Variants in CCR3 observed in about 807,000 individuals in gnomAD.
CCR3 encodes C-C motif chemokine receptor 3, also known as C-C chemokine receptor type 3.
For missense variants in CCR3, 419 were observed against 437.5 expected, an observed-to-expected ratio of 0.96 and a Z score of 0.38; for synonymous variants, 203 against 179.2, an observed-to-expected ratio of 1.13 and a Z score of -1.06.
In CCR3 at chr3:46,265,387, G is replaced by C. The variant is rs1363552944; in HGVS notation, c.229G>C (p.Ala77Pro). The C allele has an allele frequency of 6.2e-7, 1 of 1,614,126 alleles. No individual in the cohort carries two copies. The highest frequency in any genetic ancestry group is 1.1e-5 in the South Asian group (1 of 91,070). ...GACCAACATCTACCTGCTCAACCTG[G>C]CCATTTCGGACCTGCTCTTCCTCGT... ...IMTNIYLLNL[A>P]ISDLLFLVTL... The change falls in exon 2 of 2, where the codon GCC (alanine) becomes CCC (proline). Residue 77 changes from alanine to proline, a missense_variant. Ala to Pro is a conservative substitution (Grantham distance 27). Coordinates refer to ENST00000395940, the MANE Select transcript of CCR3 (RefSeq NM_178329.3).
chr3:46,266,489 A>C lies in CCR3; in HGVS notation c.*263A>C. ...TCTCTCTCTAAAATGAGTTACCTAC[A>C]TTTTAATGCACCTGAATGTTAGATA... On this transcript the variant is annotated 3_prime_UTR_variant, in exon 2 of 2. Transcript: ENST00000395940. 1 of 377,100 alleles carries C rather than the reference A, an allele frequency of 2.7e-6. No homozygotes were observed. Among genetic ancestry groups the C allele is most frequent in the Non-Finnish European group, 4.9e-6 (1 of 202,970 alleles). 23.4% of individuals were successfully genotyped at this position (377,100 alleles called of 1,614,324 possible).
At chr3:46,261,975 G>A (rs546999090) in intron 1 of CCR3, among the ~76,000 whole-genome samples, 15 of 152,274 alleles carry the variant, frequency 9.9e-5, no homozygotes, top group Middle Eastern at 3.4e-3. Context: ...AAGGCTCAGC[G>A]TTGGAACCAG....
intron 1 of CCR3, among the ~76,000 whole-genome samples, chr3:46,247,617 G>C (rs987146043): frequency 2.0e-5 from 3 of 152,088 alleles, no homozygotes; most frequent in Non-Finnish European, 4.4e-5. Flanking sequence ...AATAAAGGCT[G>C]GTCTGTTATC....
chr3:46,231,557 G>A (rs1699966398), intron 2 of CCR3, among the ~76,000 whole-genome samples: 1 of 152,194 alleles, frequency 6.6e-6, no homozygotes, highest in Non-Finnish European at 1.5e-5. Context: ...GTACTGAACA[G>A]CATGGTGCCT....
At chr3:46,233,925 T>C (rs1336032222) in intron 2 of CCR3, among the ~76,000 whole-genome samples, 4 of 152,200 alleles carry the variant, frequency 2.6e-5, no homozygotes, top group South Asian at 2.1e-4. Flanking sequence ...AAGTCCCTCA[T>C]TGAGTCTCAG....
upstream of CCR3, among the ~76,000 whole-genome samples, chr3:46,239,834 T>C (rs923554417): frequency 5.3e-5 from 8 of 152,224 alleles, no homozygotes; most frequent in African/African-American, 1.9e-4. Context: ...AAGGTCATTG[T>C]GGGATTTCCA....
In CCR3 at chr3:46,265,677, G is replaced by C. The variant is rs1700613399; in HGVS notation, c.519G>C (p.Glu173Asp). ...CTCTTCCTGAATTTATCTTCTATGA[G>C]ACTGAAGAGTTGTTTGAAGAGACTC... ...LAALPEFIFY[E>D]TEELFEETLC... The change falls in exon 2 of 2, where the codon GAG becomes GAC. Residue 173 changes from glutamate (E) to aspartate (D), a missense_variant. Physicochemically the swap from Glu to Asp is conservative, Grantham distance 45. Coordinates refer to ENST00000395940, the MANE Select transcript of CCR3 (RefSeq NM_178329.3). 1 of 1,614,052 alleles carries C rather than the reference G, an allele frequency of 6.2e-7. No individual in the cohort carries two copies. Among genetic ancestry groups the C allele is most frequent in the African/African-American group, 1.3e-5 (1 of 75,018 alleles).
chr3:46,265,298 T>C lies in CCR3; in HGVS notation c.140T>C (p.Val47Ala), dbSNP rs1419047552. 2.5e-6 allele frequency: 4 copies of C among 1,614,012 alleles called. No individual in the cohort carries two copies. Among genetic ancestry groups the C allele is most frequent in the Non-Finnish European group, 2.5e-6 (3 of 1,180,014 alleles). The change falls in exon 2 of 2, where the codon GTG (valine) becomes GCG (alanine). Residue 47 changes from valine (V) to alanine (A), a missense_variant. By Grantham distance (64) the Val-to-Ala change is moderately conservative (BLOSUM62 0). Transcript: ENST00000395940. ...CCGCTGTACTCCCTGGTGTTCACTG[T>C]GGGCCTCTTGGGCAATGTGGTGGTG... ...VPPLYSLVFT[V>A]GLLGNVVVVM...
chr3:46,252,538 C>A (rs546665478), intron 1 of CCR3, among the ~76,000 whole-genome samples: 7 of 152,154 alleles, frequency 4.6e-5, no homozygotes, highest in Admixed American at 3.3e-4. Flanking sequence ...CAGAAAAATT[C>A]TATTGGACCA....
At chr3:46,254,638 TCCC>T (rs1700381724) in intron 1 of CCR3, among the ~76,000 whole-genome samples, 1 of 152,042 alleles carries the variant, frequency 6.6e-6, no homozygotes, top group African/African-American at 2.4e-5. Flanking sequence ...CTCACTCCCC[TCCC>T]ATCCTTTCCC....
chr3:46,259,962 T>TA (rs1190220927), intron 1 of CCR3, among the ~76,000 whole-genome samples: 32 of 152,304 alleles, frequency 2.1e-4, no homozygotes, highest in African/African-American at 7.5e-4. Context: ...GAAAGAGTTT[T>TA]ATTGGACTTC....
At chr3:46,224,553 A>G (rs1699872040) in intron 2 of CCR3, among the ~76,000 whole-genome samples, 1 of 152,062 alleles carries the variant, frequency 6.6e-6, no homozygotes, top group Admixed American at 6.5e-5. Flanking sequence ...CCTGGCCAAC[A>G]TGGTGAAACC....
At chr3:46,224,281 A>G (rs778234550) in intron 2 of CCR3, among the ~76,000 whole-genome samples, 1 of 152,148 alleles carries the variant, frequency 6.6e-6, no homozygotes, top group Non-Finnish European at 1.5e-5. Flanking sequence ...AATGAAAAAA[A>G]CGCAAAACAA....
At chr3:46,225,260 G>C (rs568200441) in intron 2 of CCR3, among the ~76,000 whole-genome samples, 1 of 152,340 alleles carries the variant, frequency 6.6e-6, no homozygotes, top group African/African-American at 2.4e-5. Flanking sequence ...TGGGGTTCTA[G>C]TAATGTCTTG....
At chr3:46,261,116 A>G (rs1013649454) in intron 1 of CCR3, among the ~76,000 whole-genome samples, 5 of 152,230 alleles carry the variant, frequency 3.3e-5, no homozygotes. Flanking sequence ...ATTCCCAGGT[A>G]TAAAACCTTG....
intron 1 of CCR3, chr3:46,264,536 A>G (rs545847662): frequency 7.1e-6 from 6 of 849,984 alleles, no homozygotes; most frequent in South Asian, 4.8e-5. Flanking sequence ...ACATGGATAG[A>G]GACTAAAGAT....
chr3:46,222,046 C>A (rs770577242), intron 2 of CCR3, among the ~76,000 whole-genome samples: 4 of 152,236 alleles, frequency 2.6e-5, no homozygotes, highest in Non-Finnish European at 5.9e-5. Context: ...TGGGCAGGAG[C>A]CCTGAAGGTC....
chr3:46,218,734 A>ATCATC (rs1559524245), intron 2 of CCR3, among the ~76,000 whole-genome samples: 1 of 152,120 alleles, frequency 6.6e-6, no homozygotes, highest in Non-Finnish European at 1.5e-5. Flanking sequence ...AAATCATATA[A>ATCATC]TCATCTCAAT....
intron 1 of CCR3, among the ~76,000 whole-genome samples, chr3:46,247,433 G>A (rs545424786): frequency 6.6e-6 from 1 of 152,298 alleles, no homozygotes; most frequent in African/African-American, 2.4e-5. Context: ...TTCTGAGAAG[G>A]GAAAGTGGTG....
Sources: gnomAD v4.1 joint callset for allele counts (sites outside exome capture counted in the v4.1 genomes callset) on GRCh38, gnomAD v4.1.1 for gene constraint, MANE v1.5 for transcripts, NCBI Gene and HGNC (gene_info 2026-07-23, HGNC 2026-07-21) for gene names.